Variants in FBXO11 observed in about 807,000 individuals in gnomAD.
FBXO11 encodes F-box only protein 11.
A neutral mutation model predicts 117.0 loss-of-function variants in FBXO11; 13 were observed. The ratio of observed to expected loss-of-function variants is 0.11; its 90% confidence interval spans 0.07 to 0.18. FBXO11 has a LOEUF of 0.18. FBXO11 is among the 10% of genes least tolerant of loss of function. FBXO11 has a pLI of 1.00. For synonymous variants in FBXO11, 490 were observed against 380.5 expected (o/e 1.29, Z -3.35); for missense variants, 767 against 1,164.4 (o/e 0.66, Z 4.97).
intron 18 of FBXO11, among the ~76,000 whole-genome samples, chr2:47,812,131 C>A (rs1670661737): frequency 6.6e-6 from 1 of 152,214 alleles, no homozygotes; most frequent in African/African-American, 2.4e-5. Flanking sequence ...TTGGGCCTTG[C>A]CCCTTCTGTA....
chr2:47,905,938 G>T lies in FBXO11; in HGVS notation c.-218C>A. 1 of 498,234 alleles carries T rather than the reference G, an allele frequency of 2.0e-6. No homozygotes were observed. The highest frequency in any genetic ancestry group is 3.5e-5 in the South Asian group (1 of 28,406). 30.9% of individuals were successfully genotyped at this position (498,234 alleles called of 1,614,324 possible). A position where few individuals can be genotyped will look rare whatever the true frequency, so the allele number is the denominator to read the frequency against. On this transcript the variant is annotated 5_prime_UTR_variant, in exon 1 of 23. Coordinates refer to ENST00000403359, the MANE Select transcript of FBXO11 (RefSeq NM_001190274.2). ...ACGGAGACCGAGCGAGGCCGGCCGGGAGGGCCTGACGCACGGGGAAGGCCG... is the reference window on the plus strand; with the variant it reads ...ACGGAGACCGAGCGAGGCCGGCCGGTAGGGCCTGACGCACGGGGAAGGCCG...
chr2:47,846,193 G>A (rs1009323075), intron 1 of FBXO11, among the ~76,000 whole-genome samples: 5 of 152,158 alleles, frequency 3.3e-5, no homozygotes, highest in South Asian at 2.1e-4. Context: ...TTGGCCAGGC[G>A]TGGTGGCTCA....
intron 1 of FBXO11, among the ~76,000 whole-genome samples, chr2:47,895,837 C>G (rs1346727809): frequency 1.3e-5 from 2 of 152,040 alleles, no homozygotes; most frequent in Non-Finnish European, 2.9e-5. Flanking sequence ...GGATTACAGG[C>G]ATCTGCCACC....
At chr2:47,857,620 G>T (rs919002673) in intron 1 of FBXO11, among the ~76,000 whole-genome samples, 4 of 152,148 alleles carry the variant, frequency 2.6e-5, no homozygotes, top group African/African-American at 9.7e-5. Flanking sequence ...TGGTTTAGGG[G>T]TAAGATAAGG....
At chr2:47,813,700 T>A in intron 17 of FBXO11, 91 bp downstream of exon 17, 1 of 1,063,860 alleles carries the variant, frequency 9.4e-7, no homozygotes, top group Non-Finnish European at 1.4e-6. Flanking sequence ...CCCAAAGTGC[T>A]GGGATTACAG....
At chr2:47,810,149 G>T (rs1464249696) in intron 19 of FBXO11, 167 bp downstream of exon 19, 1 of 559,312 alleles carries the variant, frequency 1.8e-6, no homozygotes, top group African/African-American at 1.9e-5. Context: ...TAGAGTAGAA[G>T]AATCCAGAAC....
chr2:47,889,054 G>A (rs938543335), intron 1 of FBXO11, among the ~76,000 whole-genome samples: 2 of 152,176 alleles, frequency 1.3e-5, no homozygotes, highest in South Asian at 4.1e-4. Flanking sequence ...TTCACTAAGT[G>A]TCTATGTGCA....
At position 47,820,817 on chromosome 2, in the gene FBXO11, T is replaced by C. The variant is rs561014647; in HGVS notation, c.1703-361A>G. 2.0e-5 allele frequency among the ~76,000 whole-genome samples: 3 copies of C among 152,266 alleles called. No homozygotes were observed. The South Asian group carries it at 6.2e-4, about 32-fold the overall frequency. On this transcript the variant is annotated intron_variant, in intron 13 of 22. Coordinates refer to ENST00000403359, the MANE Select transcript of FBXO11 (RefSeq NM_001190274.2). ...TACCTCACAGTGTTGATGTGAGTAT[T>C]ATATGACTTAACTCAGGTTAAGATG...
chr2:47,860,811 T>C (rs1021535853), intron 1 of FBXO11, among the ~76,000 whole-genome samples: 11 of 33,608 alleles, frequency 3.3e-4, no homozygotes, highest in African/African-American at 1.5e-3. Flanking sequence ...CACTGGAAAA[T>C]AGGAAAAAAA....
intron 1 of FBXO11, chr2:47,883,776 G>A (rs1156753774): frequency 4.2e-6 from 1 of 236,976 alleles, no homozygotes; most frequent in East Asian, 1.1e-4. Context: ...AGGTGTATGA[G>A]AATGGTAAAA....
chr2:47,850,548 A>C (rs1477390437), intron 1 of FBXO11, among the ~76,000 whole-genome samples: 2 of 152,214 alleles, frequency 1.3e-5, no homozygotes, highest in Non-Finnish European at 1.5e-5. Context: ...CAGCCATATG[A>C]TGTAAAGTGG....
At chr2:47,870,173 G>GCCTA (rs1370989731) in intron 1 of FBXO11, among the ~76,000 whole-genome samples, 1 of 152,142 alleles carries the variant, frequency 6.6e-6, no homozygotes, top group African/African-American at 2.4e-5. Context: ...TATGAATATA[G>GCCTA]CCTATTGAGT....
At position 47,885,322 on chromosome 2, in the gene FBXO11, G is replaced by A. The variant is rs935474971; in HGVS notation, c.232+20167C>T. Reference sequence around the variant, plus strand: ...CAAGAACAATGTGTAAGCCAGGTGCGGTGGCTCACGCCTGTAATCCCAGCA... The same window carrying A: ...CAAGAACAATGTGTAAGCCAGGTGCAGTGGCTCACGCCTGTAATCCCAGCA... On this transcript the variant is annotated intron_variant, in intron 1 of 22. Transcript: ENST00000403359. Among the ~76,000 whole-genome samples the A allele has an allele frequency of 5.3e-5, 8 of 152,128 alleles. No individual in the cohort carries two copies. The South Asian group carries it at 8.3e-4, about 16-fold the overall frequency.
Position 47,905,709 on chromosome 2 carries a change from G to T in FBXO11, c.12C>A (p.Val4=), listed in dbSNP as rs910667496. The T allele has an allele frequency of 1.7e-5, 26 of 1,525,046 alleles. No homozygotes were observed. The highest frequency in any genetic ancestry group is 2.2e-5 in the Non-Finnish European group (25 of 1,138,570). The allele number at this position is 1,525,046 out of a possible 1,614,324, so 94.5% of individuals were successfully genotyped here. MNS[V]RAANRRPRRV... is the part of the protein sequence containing the mutation. Reference sequence around the variant, plus strand: ...GCCTGGGTCTCCGGTTGGCGGCTCGGACGGAGTTCATTTGCCGGGCTGAGG... The same window carrying T: ...GCCTGGGTCTCCGGTTGGCGGCTCGTACGGAGTTCATTTGCCGGGCTGAGG... Residue 4 remains valine (V), a synonymous_variant, in exon 1 of 23, where the codon GTC becomes GTA. Transcript: ENST00000403359.
intron 1 of FBXO11, among the ~76,000 whole-genome samples, chr2:47,864,327 C>T (rs142932664): frequency 0.011 from 1,702 of 152,312 alleles, 15 homozygotes; most frequent in Non-Finnish European, 0.017. Flanking sequence ...GTGGCTCACG[C>T]CTGTAATCCC....
intron 16 of FBXO11, among the ~76,000 whole-genome samples, chr2:47,815,090 T>A (rs6744431): frequency 6.6e-6 from 1 of 152,220 alleles, no homozygotes; most frequent in African/African-American, 2.4e-5. Context: ...ACCAAAGTCT[T>A]ATACCCCTAA....
At chr2:47,869,143 C>G (rs558198486) in intron 1 of FBXO11, among the ~76,000 whole-genome samples, 1 of 152,272 alleles carries the variant, frequency 6.6e-6, no homozygotes, top group African/African-American at 2.4e-5. Context: ...TTCACAGGTC[C>G]AGGAAACAAA....
At chr2:47,827,385 C>T (rs1353149351) in intron 11 of FBXO11, among the ~76,000 whole-genome samples, 1 of 152,208 alleles carries the variant, frequency 6.6e-6, no homozygotes, top group Non-Finnish European at 1.5e-5. Context: ...CGGCTCACTG[C>T]AACCTCTACC....
intron 1 of FBXO11, among the ~76,000 whole-genome samples, chr2:47,861,850 C>T (rs1674801981): frequency 6.6e-6 from 1 of 152,050 alleles, no homozygotes. Context: ...ATGAATAGGG[C>T]ACAGCTAAGA....
Sources: gnomAD v4.1 joint callset for allele counts (sites outside exome capture counted in the v4.1 genomes callset) on GRCh38, gnomAD v4.1.1 for gene constraint, MANE v1.5 for transcripts, NCBI Gene and HGNC (gene_info 2026-07-23, HGNC 2026-07-21) for gene names.